Variants in COL5A2 observed in about 807,000 individuals in gnomAD.
COL5A2 encodes the protein collagen alpha-2(V) chain.
A neutral mutation model predicts 208.2 loss-of-function variants in COL5A2; 23 were observed. The observed-to-expected ratio is 0.11, with a 90% confidence interval of 0.08 to 0.16. The LOEUF is 0.16. COL5A2 is among the 10% of genes least tolerant of loss of function. The pLI, the probability that COL5A2 is intolerant of heterozygous loss-of-function variation, is 1.00. For synonymous variants in COL5A2, 625 were observed against 628.5 expected (o/e 0.99, Z 0.08); for missense variants, 1,590 against 1,956.4 (o/e 0.81, Z 3.53).
chr2:189,377,251 T>C, the COL5A2 span, among the ~76,000 whole-genome samples: 1 of 152,206 alleles, frequency 6.6e-6, no homozygotes, highest in Non-Finnish European at 1.5e-5. Context: ...TTCCCTTCTC[T>C]GCTTTACAAT....
Position 189,065,046 on chromosome 2 carries a change from G to T in COL5A2, c.1575C>A (p.Gly525=). ...PGPVGERGAP[G]NRGFPGSDGL... ...CATCAGAGCCTGGAAAACCACGATT[G>T]CCAGGAGCACCCTACAAATGACCAA... is the stretch of plus-strand genomic sequence containing the variant. Residue 525 remains glycine, a synonymous_variant, in exon 24 of 54, where the codon GGC becomes GGA. Transcript: ENST00000374866. The T allele has an allele frequency of 1.2e-6, 2 of 1,613,722 alleles. No individual in the cohort carries two copies. Among genetic ancestry groups the T allele is most frequent in the Non-Finnish European group, 1.7e-6 (2 of 1,179,896 alleles).
At chr2:189,210,729 A>C (rs1367628669) in intron 1 of COL5A2, among the ~76,000 whole-genome samples, 1 of 152,198 alleles carries the variant, frequency 6.6e-6, no homozygotes, top group African/African-American at 2.4e-5. Flanking sequence ...AGCTATATTT[A>C]AGCATCATCT....
At chr2:189,117,401 C>A (rs187857816) in intron 1 of COL5A2, among the ~76,000 whole-genome samples, 210 of 152,196 alleles carry the variant, frequency 1.4e-3, no homozygotes, top group Non-Finnish European at 4.0e-4. Context: ...AAATATTAAT[C>A]CTCAGTGAAT....
intron 3 of COL5A2, 38 bp from the exon 4 acceptor site, chr2:189,100,177 C>T (rs1256117828): frequency 6.4e-7 from 1 of 1,567,988 alleles, no homozygotes. Flanking sequence ...TCAATTAGCA[C>T]AATATAATGG....
chr2:189,307,895 G>T, the COL5A2 span, among the ~76,000 whole-genome samples: 4 of 152,166 alleles, frequency 2.6e-5, no homozygotes, highest in Non-Finnish European at 5.9e-5. Flanking sequence ...ACATAAACAA[G>T]CATTGTACCT....
In COL5A2 at chr2:189,033,186, A is replaced by C. The variant is rs1002195120; in HGVS notation, c.*884T>G. ...GAGATTGTACATGTGGAAGAGTCTC[A>C]ATTTAGAGTCCTTGGACATATGTTT... On this transcript the variant is annotated 3_prime_UTR_variant, in exon 54 of 54. Coordinates refer to ENST00000374866, the MANE Select transcript of COL5A2 (RefSeq NM_000393.5). The C allele has an allele frequency of 6.6e-6, 1 of 152,554 alleles. No individual in the cohort carries two copies. 9.5% of individuals were successfully genotyped at this position (152,554 alleles called of 1,614,324 possible). A position where few individuals can be genotyped will look rare whatever the true frequency, so the allele number is the denominator to read the frequency against.
intron 35 of COL5A2, among the ~76,000 whole-genome samples, chr2:189,055,471 G>T (rs949924830): frequency 6.6e-6 from 1 of 152,060 alleles, no homozygotes; most frequent in Non-Finnish European, 1.5e-5. Context: ...TACAACTAAA[G>T]AAACTTAAGG....
chr2:189,425,819 T>C, the COL5A2 span, among the ~76,000 whole-genome samples: 1 of 152,156 alleles, frequency 6.6e-6, no homozygotes, highest in Non-Finnish European at 1.5e-5. Context: ...CCTCCCATTC[T>C]TGGTCCTGCT....
intron 35 of COL5A2, among the ~76,000 whole-genome samples, chr2:189,054,473 TCAGGCATTAGCA>T (rs1333201057): frequency 3.3e-5 from 5 of 152,172 alleles, no homozygotes; most frequent in South Asian, 2.1e-4. Context: ...AAAACTGTTT[TCAGGCATTAGCA>T]CTACATTAAT....
the COL5A2 span, among the ~76,000 whole-genome samples, chr2:189,287,890 A>G: frequency 6.6e-6 from 1 of 152,208 alleles, no homozygotes. Context: ...TGTTAAATGT[A>G]ATATTTATCT....
intron 52 of COL5A2, among the ~76,000 whole-genome samples, chr2:189,036,132 C>T (rs961110135): frequency 6.6e-6 from 1 of 152,032 alleles, no homozygotes; most frequent in East Asian, 1.9e-4. Context: ...TTTATATCCA[C>T]ATGGAAACTA....
At chr2:189,339,366 AAAG>A in the COL5A2 span, among the ~76,000 whole-genome samples, 1 of 151,554 alleles carries the variant, frequency 6.6e-6, no homozygotes, top group African/African-American at 2.4e-5. Context: ...AAAAAAAAAA[AAAG>A]ATTTGTTTCA....
intron 1 of COL5A2, among the ~76,000 whole-genome samples, chr2:189,217,440 G>A (rs1006679034): frequency 2.6e-5 from 4 of 152,166 alleles, no homozygotes; most frequent in African/African-American, 7.2e-5. Context: ...GTAGCCACAA[G>A]CATTTTGGGG....
chr2:189,137,533 CA>C (rs1687849022), intron 1 of COL5A2, among the ~76,000 whole-genome samples: 2 of 152,106 alleles, frequency 1.3e-5, no homozygotes, highest in Non-Finnish European at 1.5e-5. Context: ...GTGTATTAAA[CA>C]AAAAATGATA....
At chr2:189,079,199 A>C in intron 14 of COL5A2, 92 bp from the exon 15 acceptor site, 1 of 993,940 alleles carries the variant, frequency 1.0e-6, no homozygotes, top group Non-Finnish European at 1.6e-6. Flanking sequence ...GCATATTTTC[A>C]AAGAGGACAT....
chr2:189,064,882 T>C, intron 24 of COL5A2, 122 bp downstream of exon 24: 1 of 979,320 alleles, frequency 1.0e-6, no homozygotes, highest in Non-Finnish European at 1.6e-6. Context: ...AGGCCTGGTA[T>C]TTGTATCCAT....
chr2:189,293,158 G>A, the COL5A2 span, among the ~76,000 whole-genome samples: 1 of 152,104 alleles, frequency 6.6e-6, no homozygotes, highest in East Asian at 1.9e-4. Context: ...AACACTAAAT[G>A]ACGAGTTAAT....
Position 189,058,875 on chromosome 2 carries a change from C to T in COL5A2, c.2104G>A (p.Gly702Arg), listed in dbSNP as rs772811492. 1.3e-5 allele frequency: 21 copies of T among 1,610,906 alleles called. No individual in the cohort carries two copies. The highest frequency in any genetic ancestry group is 1.8e-5 in the Non-Finnish European group (21 of 1,179,330). The change falls in exon 32 of 54, where the codon GGA becomes AGA. Residue 702 changes from glycine (G) to arginine (R), a missense_variant. By Grantham distance (125) the Gly-to-Arg change is moderately radical (BLOSUM62 -2). Coordinates refer to ENST00000374866, the MANE Select transcript of COL5A2 (RefSeq NM_000393.5). Reference sequence around the variant, plus strand: ...CTAGGTCCTAACGGGCCAACTGCTCCGGGATCTCCAGGAACACCCTATAAA... The same window carrying T: ...CTAGGTCCTAACGGGCCAACTGCTCTGGGATCTCCAGGAACACCCTATAAA... ...PGDQGVPGDP[G>R]AVGPLGPRGE...
chr2:189,307,276 T>C, the COL5A2 span, among the ~76,000 whole-genome samples: 1 of 152,132 alleles, frequency 6.6e-6, no homozygotes, highest in Non-Finnish European at 1.5e-5. Context: ...TACATTTCTT[T>C]AAACAAAATC....
Sources: gnomAD v4.1 joint callset for allele counts (sites outside exome capture counted in the v4.1 genomes callset) on GRCh38, gnomAD v4.1.1 for gene constraint, MANE v1.5 for transcripts, NCBI Gene and HGNC (gene_info 2026-07-23, HGNC 2026-07-21) for gene names.